Variants in MAPK8IP3 observed in about 807,000 individuals in gnomAD.
MAPK8IP3 encodes the protein C-Jun-amino-terminal kinase-interacting protein 3.
In MAPK8IP3, 49 loss-of-function variants were observed where a neutral mutation model predicts 157.8. The ratio of observed to expected loss-of-function variants is 0.31; its 90% CI spans 0.25 to 0.39. The LOEUF (loss-of-function observed/expected upper bound fraction) is 0.39. Ranked by LOEUF, MAPK8IP3 falls within the 10% of genes least tolerant of loss-of-function variation. The pLI is 1.00. For synonymous variants in MAPK8IP3, 897 were observed against 777.7 expected, an observed-to-expected ratio of 1.15 and a Z score of -2.55; for missense variants, 1,478 against 1,889.4, an observed-to-expected ratio of 0.78 and a Z score of 4.04.
At chr16:1,745,214 G>C in intron 5 of MAPK8IP3, 1 of 982,716 alleles carries the variant, frequency 1.0e-6, no homozygotes, top group Non-Finnish European at 1.2e-6. Flanking sequence ...CCACCATGAG[G>C]GTCAGGAGCA....
chr16:1,762,798 T>C, intron 15 of MAPK8IP3, 38 bp from the exon 16 acceptor site: 1 of 1,603,142 alleles, frequency 6.2e-7, no homozygotes, highest in Non-Finnish European at 8.5e-7. Context: ...GGTTCCCTGG[T>C]CCTCTGCCCA....
intron 2 of MAPK8IP3, among the ~76,000 whole-genome samples, chr16:1,727,602 T>C (rs2038976503): frequency 6.6e-6 from 1 of 152,060 alleles, no homozygotes; most frequent in Non-Finnish European, 1.5e-5. Flanking sequence ...TGTGAGGTGC[T>C]GTGTCTAAGT....
chr16:1,756,670 A>ACACACACACAC (rs2041619200), intron 8 of MAPK8IP3, among the ~76,000 whole-genome samples: 2 of 144,574 alleles, frequency 1.4e-5, no homozygotes, highest in African/African-American at 2.6e-5. Context: ...ACACACACAC[A>ACACACACACAC]AATTAGCCGG....
chr16:1,725,414 G>A (rs2038812449), intron 2 of MAPK8IP3, among the ~76,000 whole-genome samples: 1 of 149,648 alleles, frequency 6.7e-6, no homozygotes, highest in African/African-American at 2.4e-5. Flanking sequence ...GATCACCTGA[G>A]CTTAGGAGTT....
At chr16:1,718,475 C>T (rs1304100240) in intron 1 of MAPK8IP3, among the ~76,000 whole-genome samples, 2 of 151,850 alleles carry the variant, frequency 1.3e-5, no homozygotes, top group Admixed American at 6.6e-5. Context: ...TGAGTCACCG[C>T]GCCCGGCTAA....
chr16:1,767,061 T>A (rs2042312826), intron 25 of MAPK8IP3, 88 bp from the exon 26 acceptor site: 1 of 1,580,966 alleles, frequency 6.3e-7, no homozygotes, highest in Non-Finnish European at 8.6e-7. Flanking sequence ...AGGCCTCTCC[T>A]TAGTCTGGCA....
Position 1,710,661 on chromosome 16 carries a change from T to G in MAPK8IP3, c.318+4004T>G, listed in dbSNP as rs2037714666. Reference sequence around the variant, plus strand: ...CAGGAAGTCTTTTCCATCAATGAATTAAGATGCTGAATCAGAAATTTTTAT... The same window carrying G: ...CAGGAAGTCTTTTCCATCAATGAATGAAGATGCTGAATCAGAAATTTTTAT... On this transcript the variant is annotated intron_variant, in intron 1 of 31. Transcript: ENST00000610761. This position sits in a 1 kb window ranked among gnomAD's most constrained non-coding sequence, Gnocchi z 4.1. Among the ~76,000 whole-genome samples, 8 of 152,346 alleles carry G rather than the reference T, an allele frequency of 5.3e-5. 1 individual carries two copies. In the South Asian group the frequency reaches 1.7e-3, roughly 32 times the overall value.
At chr16:1,723,451 CT>C (rs959728603) in intron 1 of MAPK8IP3, among the ~76,000 whole-genome samples, 1 of 152,032 alleles carries the variant, frequency 6.6e-6, no homozygotes, top group Admixed American at 6.5e-5. Context: ...TGCCCGGCCT[CT>C]ACAAAAACTT....
At position 1,767,978 on chromosome 16, in the gene MAPK8IP3, G is replaced by A. The variant is rs572508862; in HGVS notation, c.3523+60G>A. On this transcript the variant is annotated intron_variant, in intron 28 of 31. Transcript: ENST00000610761. ...CTGCCAGAGGTGTACGTGGGTTCACGGGGTGGCTCTGCAGGGCCACCTTGG... is the reference window on the plus strand; with the variant it reads ...CTGCCAGAGGTGTACGTGGGTTCACAGGGTGGCTCTGCAGGGCCACCTTGG... 8.7e-5 allele frequency: 140 copies of A among 1,606,618 alleles called. No homozygotes were observed. In the African/African-American group the frequency reaches 1.4e-3, roughly 16 times the overall value.
intron 26 of MAPK8IP3, 80 bp from the exon 27 acceptor site, chr16:1,767,484 C>G: frequency 1.9e-6 from 3 of 1,547,858 alleles, no homozygotes; most frequent in Non-Finnish European, 2.6e-6. Context: ...TGCAGGTGGC[C>G]CTGGAGCTGT....
chr16:1,731,301 C>G (rs900396393), intron 4 of MAPK8IP3, among the ~76,000 whole-genome samples: 15 of 152,208 alleles, frequency 9.9e-5, no homozygotes, highest in African/African-American at 3.6e-4. Flanking sequence ...GCACTCCAGC[C>G]TGGGTGGTAG....
chr16:1,759,923 G>A (rs2041837693), intron 10 of MAPK8IP3, 35 bp from the exon 11 acceptor site: 3 of 1,597,376 alleles, frequency 1.9e-6, no homozygotes, highest in African/African-American at 1.3e-5. Flanking sequence ...CTGTTTTGAA[G>A]GGCACAGGTG....
In MAPK8IP3 at chr16:1,738,048, G is replaced by A. The variant is rs111208269; in HGVS notation, c.603-5284G>A. ...TGAGCATCCGTGTGAGCGTGTGACC[G>A]TCCGTGTGAGTGTGTGACCATCCGT... On this transcript the variant is annotated intron_variant, in intron 4 of 31. Transcript: ENST00000610761. Among the ~76,000 whole-genome samples the A allele has an allele frequency of 3.0e-4, 25 of 84,444 alleles. 1 individual carries two copies. Among genetic ancestry groups the A allele is most frequent in the East Asian group, 2.3e-3 (5 of 2,190 alleles). 55.4% of individuals were successfully genotyped at this position (84,444 alleles called of 152,430 possible).
At chr16:1,733,084 C>T (rs2039421969) in intron 4 of MAPK8IP3, among the ~76,000 whole-genome samples, 1 of 152,354 alleles carries the variant, frequency 6.6e-6, no homozygotes, top group Non-Finnish European at 1.5e-5. Context: ...CGAACCTGGA[C>T]CCGGGATCTT....
In MAPK8IP3 at chr16:1,768,237, C is replaced by T. The variant is rs751930377; in HGVS notation, c.3601C>T (p.Pro1201Ser). ...TSPTSGEGAR[P>S]GGIIHVYGDD... ...CCCCACCTCTGGGGAGGGCGCCCGTCCCGGGGGCATCATCCACGTGTATGG... is the reference window on the plus strand; with the variant it reads ...CCCCACCTCTGGGGAGGGCGCCCGTTCCGGGGGCATCATCCACGTGTATGG... Residue 1201 changes from proline (P) to serine (S), a missense_variant, in exon 30 of 32, where the codon CCC (proline) becomes TCC (serine). Physicochemically the swap from Pro to Ser is moderately conservative, Grantham distance 74. Coordinates refer to ENST00000610761, the MANE Select transcript of MAPK8IP3 (RefSeq NM_001318852.2). The T allele has an allele frequency of 7.4e-6, 12 of 1,612,404 alleles. 1 individual carries two copies. In the South Asian group the frequency reaches 1.3e-4, roughly 18 times the overall value.
At chr16:1,738,735 A>G (rs369814775) in intron 4 of MAPK8IP3, among the ~76,000 whole-genome samples, 6 of 115,378 alleles carry the variant, frequency 5.2e-5, no homozygotes, top group African/African-American at 2.1e-4. Flanking sequence ...GTGACCACCC[A>G]TGTGAGCATC....
intron 5 of MAPK8IP3, 114 bp from the exon 6 acceptor site, chr16:1,746,915 C>T (rs1290202616): frequency 1.1e-5 from 15 of 1,304,798 alleles, no homozygotes; most frequent in South Asian, 2.9e-5. Context: ...CGCAGGGTGT[C>T]GGGCGAGGCA....
intron 4 of MAPK8IP3, among the ~76,000 whole-genome samples, chr16:1,731,396 G>A (rs1023193650): frequency 7.9e-5 from 12 of 152,346 alleles, no homozygotes; most frequent in African/African-American, 2.9e-4. Context: ...ACACATTAGG[G>A]AGAAACGGGA....
rs149333420 is a variant in MAPK8IP3, at chr16:1,747,292, G to A, written c.994+17G>A. Reference sequence around the variant, plus strand: ...TCAGTATAGGTGGGTGCCCACCTCCGGGACTCTGGGCTCCCTCGGGCAGGA... The same window carrying A: ...TCAGTATAGGTGGGTGCCCACCTCCAGGACTCTGGGCTCCCTCGGGCAGGA... On this transcript the variant is annotated intron_variant, in intron 6 of 31. Coordinates refer to ENST00000610761, the MANE Select transcript of MAPK8IP3 (RefSeq NM_001318852.2). 2.6e-3 allele frequency: 4,222 copies of A among 1,607,894 alleles called. 23 individuals are homozygous for A. Among genetic ancestry groups the A allele is most frequent in the Middle Eastern group, 5.6e-3 (34 of 6,040 alleles).
Sources: allele counts gnomAD v4.1 joint callset (sites outside exome capture counted in the v4.1 genomes callset), GRCh38; gene constraint gnomAD v4.1.1; non-coding constraint Gnocchi (gnomAD v3.1); transcripts MANE v1.5; gene names NCBI Gene and HGNC (gene_info 2026-07-23, HGNC 2026-07-21).